The following IRAG1 variants were observed in gnomAD, a reference collection of about 807,000 sequenced individuals.
IRAG1 encodes the protein inositol 1,4,5-triphosphate receptor associated 1.
IRAG1 carries 62 observed loss-of-function variants against 106.2 expected under a neutral mutation model. The ratio of observed to expected loss-of-function variants is 0.58; its 90% confidence interval spans 0.48 to 0.72. The LOEUF is 0.72. Ranked by LOEUF, IRAG1 falls within the 30% of genes least tolerant of loss-of-function variation. The probability of loss-of-function intolerance (pLI) is 0.00; values close to 1 mark genes in which losing one functional copy is unlikely to be tolerated. For missense variants in IRAG1, 1,064 were observed against 1,140.7 expected, an observed-to-expected ratio of 0.93 and a Z score of 0.97; for synonymous variants, 462 against 443.9, an observed-to-expected ratio of 1.04 and a Z score of -0.51.
chr11:10,586,338 C>T (rs75417490), intron 18 of IRAG1, among the ~76,000 whole-genome samples: 1,733 of 152,148 alleles, frequency 0.011, 33 homozygotes, highest in African/African-American at 0.039. Flanking sequence ...TAAGACTAAG[C>T]TCAAATGCCT....
intron 20 of IRAG1, among the ~76,000 whole-genome samples, chr11:10,577,420 A>G (rs1409459107): frequency 6.6e-6 from 1 of 152,008 alleles, no homozygotes; most frequent in Admixed American, 6.6e-5. Flanking sequence ...TGGTAAAAAG[A>G]CACCGGGCAG....
At chr11:10,649,735 A>G (rs185978394) in intron 2 of IRAG1, among the ~76,000 whole-genome samples, 3 of 152,248 alleles carry the variant, frequency 2.0e-5, no homozygotes, top group East Asian at 3.9e-4. Context: ...GGTTGCCACA[A>G]TGGGGGGAGG....
At chr11:10,589,324 A>C (rs1294818766) in intron 18 of IRAG1, among the ~76,000 whole-genome samples, 1 of 152,218 alleles carries the variant, frequency 6.6e-6, no homozygotes, top group Non-Finnish European at 1.5e-5. Context: ...GTTAGAATTG[A>C]CTGTATTTGT....
At chr11:10,617,821 T>G (rs1855544411) in intron 10 of IRAG1, among the ~76,000 whole-genome samples, 1 of 152,180 alleles carries the variant, frequency 6.6e-6, no homozygotes. Flanking sequence ...GCTGTCAAAC[T>G]ATCCTGTCCA....
At chr11:10,599,223 T>G (rs1379538587) in intron 15 of IRAG1, among the ~76,000 whole-genome samples, 2 of 152,178 alleles carry the variant, frequency 1.3e-5, no homozygotes, top group African/African-American at 4.8e-5. Flanking sequence ...TTCCCAAAGG[T>G]TGGGAGCTCC....
At chr11:10,614,199 A>C (rs1354588355) in intron 10 of IRAG1, among the ~76,000 whole-genome samples, 1 of 152,024 alleles carries the variant, frequency 6.6e-6, no homozygotes, top group African/African-American at 2.4e-5. Flanking sequence ...CCCTTCCCCA[A>C]GGGGCTCTGT....
Position 10,575,993 on chromosome 11 carries a change from G to A in IRAG1, c.*339C>T. ...TGCCCCCTACCTCCTCCTCCCCCGTGCCCCGCTCCTTACCCCCAACCACCA... is the reference window on the plus strand; with the variant it reads ...TGCCCCCTACCTCCTCCTCCCCCGTACCCCGCTCCTTACCCCCAACCACCA... On this transcript the variant is annotated 3_prime_UTR_variant, in exon 21 of 21. Coordinates refer to ENST00000423302, the MANE Select transcript of IRAG1 (RefSeq NM_130385.4). The A allele has an allele frequency of 3.4e-6, 1 of 293,934 alleles. No homozygotes were observed. The highest frequency in any genetic ancestry group is 6.7e-5 in the East Asian group (1 of 15,022). The allele number at this position is 293,934 out of a possible 1,614,324, so 18.2% of individuals were successfully genotyped here.
At chr11:10,633,267 T>A (rs7130951) in intron 3 of IRAG1, among the ~76,000 whole-genome samples, 1 of 151,854 alleles carries the variant, frequency 6.6e-6, no homozygotes, top group Non-Finnish European at 1.5e-5. Flanking sequence ...AGTAGAGACG[T>A]GGTTTCACTG....
chr11:10,657,912 AGT>A lies in IRAG1; in HGVS notation c.68-5732_68-5731del, dbSNP rs1283250848. ...GGCCACATCTATGAGTGAGGGGCAG[AGT>A]CAGAAAAGTCCCCAGAGCACCCATG... is the stretch of plus-strand genomic sequence containing the variant. On this transcript the variant is annotated intron_variant, in intron 1 of 20. Coordinates refer to ENST00000423302, the MANE Select transcript of IRAG1 (RefSeq NM_130385.4). This position sits in a 1 kb window ranked among gnomAD's most constrained non-coding sequence, Gnocchi z 4.1. Among the ~76,000 whole-genome samples, 2 of 152,212 alleles carry A rather than the reference AGT, an allele frequency of 1.3e-5. No homozygotes were observed. The highest frequency in any genetic ancestry group is 1.3e-4 in the Admixed American group (2 of 15,288).
chr11:10,690,201 G>T (rs1861955065), intron 1 of IRAG1: 69 of 338,146 alleles, frequency 2.0e-4, no homozygotes, highest in South Asian at 1.5e-3. Flanking sequence ...ACCAGCCTGG[G>T]CAACATGACA....
At chr11:10,592,500 A>G (rs1852792441) in intron 17 of IRAG1, among the ~76,000 whole-genome samples, 1 of 152,224 alleles carries the variant, frequency 6.6e-6, no homozygotes, top group Non-Finnish European at 1.5e-5. Flanking sequence ...AGCAGTGAAT[A>G]CCACTCATTG....
chr11:10,688,978 A>C (rs1163624619), intron 1 of IRAG1, among the ~76,000 whole-genome samples: 1 of 152,198 alleles, frequency 6.6e-6, no homozygotes, highest in Admixed American at 6.5e-5. Context: ...GGTTGCTGTG[A>C]GGACTGAATG....
At chr11:10,606,688 A>G in intron 12 of IRAG1, 54 bp downstream of exon 12, 1 of 1,537,636 alleles carries the variant, frequency 6.5e-7, no homozygotes, top group South Asian at 1.2e-5. Context: ...AATGTTTTGA[A>G]TAAGCCCAGT....
At chr11:10,686,663 C>G (rs1237036968) in intron 1 of IRAG1, among the ~76,000 whole-genome samples, 1 of 151,844 alleles carries the variant, frequency 6.6e-6, no homozygotes, top group Non-Finnish European at 1.5e-5. Flanking sequence ...TCACTCTGTC[C>G]TGCAGCCAGG....
Position 10,687,623 on chromosome 11 carries a change from G to T in IRAG1, c.67+5913C>A. The T allele has an allele frequency of 4.2e-6, 5 of 1,190,006 alleles. No homozygotes were observed. The South Asian group carries it at 7.5e-5, about 18-fold the overall frequency. The allele number at this position is 1,190,006 out of a possible 1,614,324, so 73.7% of individuals were successfully genotyped here. ...TGAAGGAAAGAGGTGTTATTTATTG[G>T]GCCTCCTTAAAGACTTCACCAGACA... On this transcript the variant is annotated intron_variant, in intron 1 of 20. Coordinates refer to ENST00000423302, the MANE Select transcript of IRAG1 (RefSeq NM_130385.4).
At chr11:10,582,084 G>A in intron 18 of IRAG1, 98 bp from the exon 19 acceptor site, 3 of 1,409,988 alleles carry the variant, frequency 2.1e-6, no homozygotes, top group Non-Finnish European at 2.8e-6. Flanking sequence ...TAGGAGTGAG[G>A]AAACTCAGGC....
intron 1 of IRAG1, among the ~76,000 whole-genome samples, chr11:10,670,322 T>C (rs1317032937): frequency 6.6e-6 from 1 of 152,222 alleles, no homozygotes. Flanking sequence ...GTTATGTACA[T>C]GTCTGAGTCT....
At chr11:10,678,241 C>G (rs1247856346) in intron 1 of IRAG1, among the ~76,000 whole-genome samples, 1 of 152,178 alleles carries the variant, frequency 6.6e-6, no homozygotes, top group Non-Finnish European at 1.5e-5. Flanking sequence ...TGGGAAGCTG[C>G]TTATCCTTGC....
chr11:10,588,271 A>G (rs569526735), intron 18 of IRAG1, among the ~76,000 whole-genome samples: 1 of 152,262 alleles, frequency 6.6e-6, no homozygotes, highest in East Asian at 1.9e-4. Context: ...AATGTTGTTA[A>G]CCTCCTGTTC....
Sources: gnomAD v4.1 joint callset for allele counts (sites outside exome capture counted in the v4.1 genomes callset) on GRCh38, gnomAD v4.1.1 for gene constraint, Gnocchi (gnomAD v3.1) non-coding constraint, MANE v1.5 for transcripts, NCBI Gene and HGNC (gene_info 2026-07-23, HGNC 2026-07-21) for gene names.